LRP1B: variants seen among roughly 807,000 people sequenced by gnomAD.
LRP1B encodes the protein low-density lipoprotein receptor-related protein 1B.
A neutral mutation model predicts 556.6 loss-of-function variants in LRP1B; 217 were observed. The observed-to-expected ratio is 0.39, with a 90% CI of 0.35 to 0.44. The LOEUF (loss-of-function observed/expected upper bound fraction) is 0.44. LRP1B is among the 20% of genes least tolerant of loss of function. The pLI, the probability that LRP1B is intolerant of heterozygous loss-of-function variation, is 1.00. For synonymous variants in LRP1B, 2,047 were observed against 1,865.8 expected, an observed-to-expected ratio of 1.10 and a Z score of -2.50; for missense variants, 5,053 against 5,620.8, an observed-to-expected ratio of 0.90 and a Z score of 3.23.
At chr2:140,807,321 GT>G (rs969758492) in intron 32 of LRP1B, among the ~76,000 whole-genome samples, 3 of 151,802 alleles carry the variant, frequency 2.0e-5, no homozygotes, top group African/African-American at 2.4e-5. Flanking sequence ...TAAAACAGAA[GT>G]TTTTTTAAAT....
intron 3 of LRP1B, among the ~76,000 whole-genome samples, chr2:141,336,026 CAG>C (rs1158558214): frequency 3.6e-5 from 5 of 139,066 alleles, no homozygotes; most frequent in African/African-American, 1.4e-4. Context: ...GATGTTATCT[CAG>C]ATAGTTCAAA....
At chr2:141,265,960 T>C (rs892594684) in intron 3 of LRP1B, among the ~76,000 whole-genome samples, 1 of 152,158 alleles carries the variant, frequency 6.6e-6, no homozygotes, top group Non-Finnish European at 1.5e-5. Flanking sequence ...GTTAGAGCCA[T>C]AGAACAGGTT....
intron 68 of LRP1B, among the ~76,000 whole-genome samples, chr2:140,376,690 G>A (rs1683247371): frequency 6.6e-6 from 1 of 152,162 alleles, no homozygotes; most frequent in African/African-American, 2.4e-5. Context: ...GGTTTTGCTA[G>A]CCCTCAGGCG....
At chr2:141,824,916 C>A (rs1355237715) in intron 1 of LRP1B, among the ~76,000 whole-genome samples, 1 of 152,108 alleles carries the variant, frequency 6.6e-6, no homozygotes, top group Non-Finnish European at 1.5e-5. Context: ...GAATGGTTTC[C>A]CTCTTGCTGT....
At chr2:140,650,339 T>G (rs191201839) in intron 41 of LRP1B, among the ~76,000 whole-genome samples, 8,690 of 148,374 alleles carry the variant, frequency 0.059, 318 homozygotes, top group Admixed American at 0.078. Context: ...ATTTATTTAT[T>G]TATTTATTTA....
intron 2 of LRP1B, among the ~76,000 whole-genome samples, chr2:141,741,175 A>G (rs907658800): frequency 2.7e-5 from 4 of 150,290 alleles, no homozygotes; most frequent in Non-Finnish European, 4.4e-5. Context: ...CTGTTGATGG[A>G]CACTGAGGTT....
chr2:140,590,991 T>C (rs1682200995), intron 43 of LRP1B, among the ~76,000 whole-genome samples: 1 of 152,236 alleles, frequency 6.6e-6, no homozygotes, highest in African/African-American at 2.4e-5. Flanking sequence ...TTTACTTTTA[T>C]CACATTTCTA....
chr2:140,340,479 T>A (rs1369512943), intron 77 of LRP1B, among the ~76,000 whole-genome samples: 1 of 151,558 alleles, frequency 6.6e-6, no homozygotes, highest in African/African-American at 2.4e-5. Flanking sequence ...CTTGGGGTGC[T>A]AATTCCGATA....
intron 7 of LRP1B, among the ~76,000 whole-genome samples, chr2:141,091,176 G>C (rs182664880): frequency 9.2e-4 from 140 of 152,202 alleles, no homozygotes; most frequent in Middle Eastern, 3.4e-3. Flanking sequence ...TAAAGAGAGA[G>C]AGAGAGAGCA....
chr2:141,049,302 G>C lies in LRP1B; in HGVS notation c.1553-80C>G. The stretch of plus-strand genomic sequence containing the variant: ...ACTGCATAATGCCACCGTTTAACTG[G>C]CACAATTAGCGTTTTTTAAATTCAA... On this transcript the variant is annotated intron_variant, in intron 10 of 90. Transcript: ENST00000389484. The C allele has an allele frequency of 3.4e-6, 3 of 874,214 alleles. No homozygotes were observed. The Admixed American group carries it at 6.4e-5, about 19-fold the overall frequency. The allele number at this position is 874,214 out of a possible 1,614,324, so 54.2% of individuals were successfully genotyped here.
chr2:140,764,082 A>G lies in LRP1B; in HGVS notation c.5758+5131T>C, dbSNP rs115881340. ...TGACATATAAAGAATTCTTTCTATA[A>G]TTCTTCTGTGGCCTTGGTTGGTGAC... On this transcript the variant is annotated intron_variant, in intron 35 of 90. Coordinates refer to ENST00000389484, the MANE Select transcript of LRP1B (RefSeq NM_018557.3). 1.3e-5 allele frequency among the ~76,000 whole-genome samples: 2 copies of G among 152,278 alleles called. 1 individual carries two copies. Among genetic ancestry groups the G allele is most frequent in the African/African-American group, 4.8e-5 (2 of 41,576 alleles).
intron 41 of LRP1B, among the ~76,000 whole-genome samples, chr2:140,615,997 C>A (rs893160462): frequency 1.3e-5 from 2 of 151,888 alleles, no homozygotes; most frequent in Admixed American, 1.3e-4. Context: ...GTTGAATTCC[C>A]TAATACTCAA....
chr2:141,751,867 T>A (rs1694127905), intron 2 of LRP1B, among the ~76,000 whole-genome samples: 1 of 150,510 alleles, frequency 6.6e-6, no homozygotes, highest in East Asian at 1.9e-4. Context: ...ACTGATTTTT[T>A]TTTATTTTAA....
intron 1 of LRP1B, among the ~76,000 whole-genome samples, chr2:141,900,444 T>C (rs1699583855): frequency 6.6e-6 from 1 of 152,104 alleles, no homozygotes; most frequent in South Asian, 2.1e-4. Flanking sequence ...TTTTTTGAAA[T>C]ATATCTTTAC....
At chr2:140,479,286 A>C (rs1175109187) in intron 59 of LRP1B, among the ~76,000 whole-genome samples, 1 of 152,164 alleles carries the variant, frequency 6.6e-6, no homozygotes, top group Non-Finnish European at 1.5e-5. Flanking sequence ...TTCTGAAATG[A>C]AACCCTTAAA....
chr2:141,549,707 G>T lies in LRP1B; in HGVS notation c.206-69174C>A, dbSNP rs571396613. Among the ~76,000 whole-genome samples the T allele has an allele frequency of 2.0e-5, 3 of 152,216 alleles. No individual in the cohort carries two copies. The South Asian group carries it at 6.2e-4, about 32-fold the overall frequency. ...TTTCTTTCCTGTAATATATAAAACT[G>T]CATTCAGGGCCAGGAGCGGTGGCTC... On this transcript the variant is annotated intron_variant, in intron 2 of 90. Coordinates refer to ENST00000389484, the MANE Select transcript of LRP1B (RefSeq NM_018557.3).
intron 5 of LRP1B, among the ~76,000 whole-genome samples, chr2:141,234,173 GT>G (rs146076579): frequency 6.9e-4 from 103 of 150,274 alleles, no homozygotes; most frequent in African/African-American, 2.4e-3. Context: ...ATTGAAAGAG[GT>G]TTTTTTTTCA....
intron 1 of LRP1B, among the ~76,000 whole-genome samples, chr2:142,001,312 T>C (rs1415967453): frequency 2.6e-5 from 4 of 152,324 alleles, no homozygotes; most frequent in East Asian, 1.9e-4. Context: ...CATATCTTCA[T>C]TGTGCATTGG....
Position 141,865,312 on chromosome 2 carries a change from G to T in LRP1B, c.83-54911C>A, listed in dbSNP as rs190237771. 3.0e-3 allele frequency among the ~76,000 whole-genome samples: 449 copies of T among 152,174 alleles called. 5 individuals are homozygous for T. Among genetic ancestry groups the T allele is most frequent in the African/African-American group, 0.011 (437 of 41,516 alleles). On this transcript the variant is annotated intron_variant, in intron 1 of 90. Transcript: ENST00000389484. ...AAAGCATATCATCAAGACAGAAATGGCCGGGCGCGGTGGCTCACGCCTGTA... is the reference window on the plus strand; with the variant it reads ...AAAGCATATCATCAAGACAGAAATGTCCGGGCGCGGTGGCTCACGCCTGTA...
Sources: allele counts gnomAD v4.1 joint callset (sites outside exome capture counted in the v4.1 genomes callset), GRCh38; gene constraint gnomAD v4.1.1; transcripts MANE v1.5; gene names NCBI Gene and HGNC (gene_info 2026-07-23, HGNC 2026-07-21).